Variants in RPS6KC1 observed in about 807,000 individuals in gnomAD.
RPS6KC1 encodes inactive ribosomal protein S6 kinase delta-1.
RPS6KC1 carries 54 observed loss-of-function variants against 103.8 expected under a neutral mutation model. The ratio of observed to expected loss-of-function variants is 0.52; its 90% CI spans 0.42 to 0.65. RPS6KC1 has a LOEUF of 0.65. Ranked by LOEUF, RPS6KC1 falls within the 30% of genes least tolerant of loss-of-function variation. The pLI is 0.00. For synonymous variants in RPS6KC1, 439 were observed against 438.7 expected (o/e 1.00, Z -0.01); for missense variants, 1,151 against 1,253.8 (o/e 0.92, Z 1.24).
At chr1:213,222,102 G>A (rs1198939588) in intron 8 of RPS6KC1, among the ~76,000 whole-genome samples, 9 of 152,184 alleles carry the variant, frequency 5.9e-5, no homozygotes, top group Non-Finnish European at 1.2e-4. Context: ...ATGAGCTAAA[G>A]CTGTAGGCAC....
At chr1:213,440,218 C>T in the RPS6KC1 span, among the ~76,000 whole-genome samples, 6,750 of 152,174 alleles carry the variant, frequency 0.044, 166 homozygotes, top group African/African-American at 0.06. Flanking sequence ...AAATGCCAGC[C>T]GCAGCTGGCA....
chr1:213,645,244 G>T, the RPS6KC1 span, among the ~76,000 whole-genome samples: 11 of 151,778 alleles, frequency 7.2e-5, no homozygotes, highest in East Asian at 9.7e-4. Context: ...ACGTTTTTGG[G>T]TTTTTTTTGT....
the RPS6KC1 span, among the ~76,000 whole-genome samples, chr1:213,613,685 T>C: frequency 1.3e-5 from 2 of 152,196 alleles, no homozygotes; most frequent in Admixed American, 1.3e-4. Flanking sequence ...AGAGTAACTA[T>C]GAGCTTGCTG....
the RPS6KC1 span, among the ~76,000 whole-genome samples, chr1:213,601,894 C>A: frequency 2.0e-5 from 3 of 149,200 alleles, no homozygotes; most frequent in Non-Finnish European, 3.0e-5. Context: ...TTTTTCCTTC[C>A]TTCCCTCTTT....
the RPS6KC1 span, among the ~76,000 whole-genome samples, chr1:213,619,407 C>T: frequency 6.6e-6 from 1 of 152,204 alleles, no homozygotes; most frequent in East Asian, 1.9e-4. Flanking sequence ...AAAATAACAG[C>T]AAAGGGAAGG....
At chr1:213,330,729 G>A in the RPS6KC1 span, among the ~76,000 whole-genome samples, 5 of 152,196 alleles carry the variant, frequency 3.3e-5, no homozygotes, top group East Asian at 1.9e-4. Context: ...CCACAAACTC[G>A]TGGGAACAGG....
chr1:213,548,116 A>G, the RPS6KC1 span, among the ~76,000 whole-genome samples: 1 of 152,244 alleles, frequency 6.6e-6, no homozygotes. Flanking sequence ...TAGAATGCAT[A>G]AACATATTGT....
At chr1:213,687,105 T>A in the RPS6KC1 span, among the ~76,000 whole-genome samples, 1 of 152,244 alleles carries the variant, frequency 6.6e-6, no homozygotes, top group Non-Finnish European at 1.5e-5. Context: ...CCTGCTTCTT[T>A]ACCGCATCCT....
At chr1:213,860,965 T>C in the RPS6KC1 span, among the ~76,000 whole-genome samples, 2 of 151,956 alleles carry the variant, frequency 1.3e-5, no homozygotes, top group African/African-American at 4.8e-5. Flanking sequence ...TGCACCAACA[T>C]ACCCTGCTAA....
chr1:213,558,814 A>G, the RPS6KC1 span, among the ~76,000 whole-genome samples: 5 of 152,340 alleles, frequency 3.3e-5, no homozygotes, highest in South Asian at 1.0e-3. Flanking sequence ...TAAGGCAAAC[A>G]TGGAGCTGTA....
chr1:213,859,888 T>C, the RPS6KC1 span, among the ~76,000 whole-genome samples: 2 of 152,174 alleles, frequency 1.3e-5, no homozygotes, highest in Non-Finnish European at 2.9e-5. Context: ...ATGCTTACAT[T>C]GAATCTGTTC....
At chr1:213,503,416 T>C in the RPS6KC1 span, among the ~76,000 whole-genome samples, 1 of 152,120 alleles carries the variant, frequency 6.6e-6, no homozygotes, top group East Asian at 1.9e-4. Flanking sequence ...GCAGGAGTGA[T>C]CATGTGGTGC....
chr1:213,197,554 A>G (rs1022779071), intron 8 of RPS6KC1, among the ~76,000 whole-genome samples: 12 of 151,780 alleles, frequency 7.9e-5, no homozygotes, highest in Non-Finnish European at 1.6e-4. Context: ...GTATGTATGT[A>G]TGTATTTTTT....
At chr1:213,331,618 C>T in the RPS6KC1 span, among the ~76,000 whole-genome samples, 41 of 152,318 alleles carry the variant, frequency 2.7e-4, 1 homozygote, top group East Asian at 7.1e-3. Flanking sequence ...TCTGTCACTC[C>T]ACGTCTGCAG....
the RPS6KC1 span, among the ~76,000 whole-genome samples, chr1:213,542,671 G>C: frequency 1.3e-5 from 2 of 151,892 alleles, no homozygotes; most frequent in South Asian, 4.1e-4. Context: ...GAGTCTTAAG[G>C]GTTTCTTAAT....
the RPS6KC1 span, among the ~76,000 whole-genome samples, chr1:213,572,193 G>A: frequency 6.6e-6 from 1 of 152,222 alleles, no homozygotes; most frequent in Non-Finnish European, 1.5e-5. Context: ...AGAGGTCTCG[G>A]AGGCCAAGCC....
chr1:213,329,123 T>G, the RPS6KC1 span, among the ~76,000 whole-genome samples: 1 of 152,194 alleles, frequency 6.6e-6, no homozygotes, highest in Non-Finnish European at 1.5e-5. Context: ...CTTCCTTTTC[T>G]GGAACTTGCC....
intron 13 of RPS6KC1, among the ~76,000 whole-genome samples, chr1:213,262,170 A>C (rs1008603345): frequency 1.3e-5 from 2 of 152,178 alleles, no homozygotes; most frequent in African/African-American, 4.8e-5. Context: ...TTAATAAAGT[A>C]TTGTGCAGAT....
chr1:213,375,667 G>C, the RPS6KC1 span, among the ~76,000 whole-genome samples: 1 of 152,164 alleles, frequency 6.6e-6, no homozygotes, highest in Non-Finnish European at 1.5e-5. Flanking sequence ...AAAAGACCTA[G>C]GTAAAATGGT....
Sources: allele counts gnomAD v4.1 joint callset (sites outside exome capture counted in the v4.1 genomes callset), GRCh38; gene constraint gnomAD v4.1.1; transcripts MANE v1.5; gene names NCBI Gene and HGNC (gene_info 2026-07-23, HGNC 2026-07-21).